The following ARFGEF2 variants were observed in gnomAD, a reference collection of about 807,000 sequenced individuals.
ARFGEF2 encodes ARF guanine nucleotide exchange factor 2.
Under a neutral mutation model 219.9 loss-of-function variants are expected in ARFGEF2, and 74 were observed. The ratio of observed to expected loss-of-function variants is 0.34; its 90% confidence interval spans 0.28 to 0.41. The LOEUF (loss-of-function observed/expected upper bound fraction) is 0.41. ARFGEF2 is among the 10% of genes least tolerant of loss of function. The probability of loss-of-function intolerance (pLI) is 1.00; values close to 1 mark genes in which losing one functional copy is unlikely to be tolerated. For missense variants in ARFGEF2, 1,743 were observed against 2,218.3 expected (o/e 0.79, Z 4.30); for synonymous variants, 733 against 799.2 (o/e 0.92, Z 1.40).
chr20:48,993,384 A>G (rs1399184092), intron 21 of ARFGEF2, among the ~76,000 whole-genome samples: 1 of 152,206 alleles, frequency 6.6e-6, no homozygotes, highest in Non-Finnish European at 1.5e-5. Flanking sequence ...TTACTAGCTT[A>G]CTAATAATAA....
intron 1 of ARFGEF2, among the ~76,000 whole-genome samples, chr20:48,931,663 A>G (rs1253571895): frequency 6.7e-6 from 1 of 149,906 alleles, no homozygotes; most frequent in African/African-American, 2.5e-5. Flanking sequence ...TGAGCCATGG[A>G]GATATCTGGG....
In ARFGEF2 at chr20:49,023,128, T is replaced by C. The variant is rs1219900407; in HGVS notation, c.4702T>C (p.Phe1568Leu). ...ELIQTIDNIV[F>L]YPATSKKEDA... ...GATACAGACCATTGACAACATTGTG[T>C]TCTACCCTGCGACGAGCAAAAAGGA... The change falls in exon 35 of 39, where the codon TTC (phenylalanine) becomes CTC (leucine). Residue 1568 changes from phenylalanine to leucine, a missense_variant. Physicochemically the swap from Phe to Leu is conservative, Grantham distance 22. This residue lies in a region of ARFGEF2 where 578 missense variants were observed against 664.0 expected (regional missense o/e 0.87). Coordinates refer to ENST00000371917, the MANE Select transcript of ARFGEF2 (RefSeq NM_006420.3). 2.5e-6 allele frequency: 4 copies of C among 1,614,162 alleles called. No homozygotes were observed. The highest frequency in any genetic ancestry group is 3.4e-6 in the Non-Finnish European group (4 of 1,180,018).
At chr20:49,009,991 A>G (rs576292636) in intron 26 of ARFGEF2, among the ~76,000 whole-genome samples, 32 of 152,296 alleles carry the variant, frequency 2.1e-4, no homozygotes, top group African/African-American at 7.0e-4. Context: ...TTGTTCTTCC[A>G]TTCAGAGGGT....
intron 1 of ARFGEF2, among the ~76,000 whole-genome samples, chr20:48,924,373 G>C (rs1371970427): frequency 2.0e-5 from 3 of 152,072 alleles, no homozygotes; most frequent in African/African-American, 7.2e-5. Context: ...TTAGCTGGGC[G>C]CTGTGGCGGG....
chr20:48,979,040 C>G lies in ARFGEF2; in HGVS notation c.1958+2841C>G, dbSNP rs1276120121. Among the ~76,000 whole-genome samples the G allele has an allele frequency of 2.6e-5, 4 of 152,290 alleles. No homozygotes were observed. The South Asian group carries it at 8.3e-4, about 32-fold the overall frequency. On this transcript the variant is annotated intron_variant, in intron 14 of 38. Transcript: ENST00000371917. ...ATGGGAGTGGTGAGAGACAGCATCC[C>G]TATCTTGTGCCAGTTTTCAAAGGAA... is the stretch of plus-strand genomic sequence containing the variant.
intron 1 of ARFGEF2, among the ~76,000 whole-genome samples, chr20:48,938,095 G>T (rs541936369): frequency 5.9e-5 from 9 of 152,172 alleles, no homozygotes; most frequent in Non-Finnish European, 1.3e-4. Context: ...CTGGGTTTAA[G>T]TCCCATCTCC....
Position 48,994,605 on chromosome 20 carries a change from C to CA in ARFGEF2, c.3121+8dup. On this transcript the variant is annotated splice_region_variant and intron_variant, in intron 22 of 38. Coordinates refer to ENST00000371917, the MANE Select transcript of ARFGEF2 (RefSeq NM_006420.3). ...TTCATGGGCCTTGGCCTCGGTAAGA[C>CA]ACCAGGCCCCACAGCTAACAGTCAC... is the stretch of plus-strand genomic sequence containing the variant. The CA allele has an allele frequency of 1.2e-6, 2 of 1,613,324 alleles. No homozygotes were observed. The highest frequency in any genetic ancestry group is 1.7e-6 in the Non-Finnish European group (2 of 1,179,990).
chr20:48,998,611 T>A (rs2091406168), intron 25 of ARFGEF2, 106 bp downstream of exon 25: 4 of 1,148,222 alleles, frequency 3.5e-6, no homozygotes, highest in African/African-American at 1.5e-5. Flanking sequence ...TTTAGATGCC[T>A]CTAATTCATT....
At chr20:48,931,302 G>C (rs1015969910) in intron 1 of ARFGEF2, among the ~76,000 whole-genome samples, 1 of 151,946 alleles carries the variant, frequency 6.6e-6, no homozygotes, top group African/African-American at 2.4e-5. Flanking sequence ...GGAGAGGTTT[G>C]GTAATGCAGA....
chr20:48,922,136 GCCT>G (rs1279056588), intron 1 of ARFGEF2, 126 bp downstream of exon 1: 12 of 1,414,184 alleles, frequency 8.5e-6, no homozygotes, highest in Non-Finnish European at 1.1e-5. Flanking sequence ...CACCCTTCCG[GCCT>G]CCTCCTCATT....
intron 37 of ARFGEF2, among the ~76,000 whole-genome samples, chr20:49,028,913 T>C (rs2091618396): frequency 1.3e-5 from 2 of 152,300 alleles, no homozygotes; most frequent in African/African-American, 4.8e-5. Flanking sequence ...GAGCTATGCA[T>C]AGAAACATGG....
chr20:49,026,268 T>G (rs1429775503), intron 36 of ARFGEF2, among the ~76,000 whole-genome samples: 1 of 151,958 alleles, frequency 6.6e-6, no homozygotes, highest in Non-Finnish European at 1.5e-5. Flanking sequence ...GAGGTGGAGG[T>G]TGCAGTGAGC....
chr20:48,928,817 A>G (rs1035078810), intron 1 of ARFGEF2, among the ~76,000 whole-genome samples: 4 of 152,222 alleles, frequency 2.6e-5, no homozygotes, highest in Admixed American at 2.6e-4. Flanking sequence ...TTAAAGGAAA[A>G]GGAACTGAAT....
chr20:48,980,604 TG>T lies in ARFGEF2; in HGVS notation c.1959-4124del, dbSNP rs1477413031. Among the ~76,000 whole-genome samples the T allele has an allele frequency of 3.3e-5, 5 of 152,176 alleles. No homozygotes were observed. In the South Asian group the frequency reaches 8.3e-4, roughly 25 times the overall value. On this transcript the variant is annotated intron_variant, in intron 14 of 38. Coordinates refer to ENST00000371917, the MANE Select transcript of ARFGEF2 (RefSeq NM_006420.3). ...GGGTGTTAAAGTCTCCCAGTATTTT[TG>T]TTTGGGAGTCTAAGTCTCTTTGTAG...
intron 6 of ARFGEF2, among the ~76,000 whole-genome samples, chr20:48,955,409 C>G (rs183043994): frequency 1.4e-3 from 213 of 152,198 alleles, no homozygotes; most frequent in Non-Finnish European, 2.5e-3. Flanking sequence ...CTTACAATAC[C>G]TGAAATTACT....
chr20:48,938,960 T>C (rs2090976945), intron 1 of ARFGEF2, among the ~76,000 whole-genome samples: 1 of 151,756 alleles, frequency 6.6e-6, no homozygotes, highest in South Asian at 2.1e-4. Flanking sequence ...TTTGGTTTGT[T>C]TTATGGGTTT....
In ARFGEF2 at chr20:48,978,859, TAAG is replaced by T. The variant is rs1157791564; in HGVS notation, c.1958+2661_1958+2663del. Among the ~76,000 whole-genome samples, 3 of 152,346 alleles carry T rather than the reference TAAG, an allele frequency of 2.0e-5. No individual in the cohort carries two copies. In the East Asian group the frequency reaches 5.8e-4, roughly 29 times the overall value. On this transcript the variant is annotated intron_variant, in intron 14 of 38. Coordinates refer to ENST00000371917, the MANE Select transcript of ARFGEF2 (RefSeq NM_006420.3). ...ACTTTGCTGAAGTTGCTTATCAGCT[TAAG>T]GAGATTTTGGGCTGAGACGATGGGG... is the stretch of plus-strand genomic sequence containing the variant.
At chr20:48,974,118 A>ATTTTTT (rs57941437) in intron 12 of ARFGEF2, among the ~76,000 whole-genome samples, 27 of 70,064 alleles carry the variant, frequency 3.9e-4, no homozygotes, top group African/African-American at 4.6e-4. Flanking sequence ...TTGAGTGTGA[A>ATTTTTT]TTTTTTTTTT....
chr20:48,953,518 T>G (rs769659873), intron 5 of ARFGEF2, 38 bp from the exon 6 acceptor site: 2 of 1,596,550 alleles, frequency 1.3e-6, no homozygotes, highest in Non-Finnish European at 1.7e-6. Context: ...TTTTTCTTCC[T>G]TACCAAAATG....
Sources: allele counts gnomAD v4.1 joint callset (sites outside exome capture counted in the v4.1 genomes callset), GRCh38; gene constraint gnomAD v4.1.1; regional missense constraint gnomAD v4.1.1; transcripts MANE v1.5; gene names NCBI Gene and HGNC (gene_info 2026-07-23, HGNC 2026-07-21).